ICA1: variants seen among roughly 807,000 people sequenced by gnomAD.
The protein encoded by ICA1 is islet cell autoantigen 1.
In ICA1, 40 loss-of-function variants were observed where a neutral mutation model predicts 71.0. The ratio of observed to expected loss-of-function variants is 0.56; its 90% CI spans 0.44 to 0.73. The LOEUF is 0.73. ICA1 is among the 30% of genes least tolerant of loss of function. The pLI, the probability that ICA1 is intolerant of heterozygous loss-of-function variation, is 0.00. For missense variants in ICA1, 578 were observed against 576.5 expected (o/e 1.00, Z -0.03); for synonymous variants, 207 against 209.5 (o/e 0.99, Z 0.10).
chr7:8,142,494 A>C (rs554828589), intron 9 of ICA1, among the ~76,000 whole-genome samples: 88 of 9,552 alleles, frequency 9.2e-3, no homozygotes, highest in African/African-American at 0.083. Flanking sequence ...AATTAAAACA[A>C]ATCAAGAAAA....
intron 8 of ICA1, 187 bp downstream of exon 8, chr7:8,156,929 T>TAA: frequency 6.6e-7 from 1 of 1,519,712 alleles, no homozygotes; most frequent in Non-Finnish European, 8.8e-7. Context: ...CCTGATGCAG[T>TAA]AAAAAAAAAA....
rs556686799 is a variant in ICA1, at chr7:8,113,729, T to A, written c.*194A>T. On this transcript the variant is annotated 3_prime_UTR_variant, in exon 14 of 14. Transcript: ENST00000402384. This position sits in a 1 kb window ranked among gnomAD's most constrained non-coding sequence, Gnocchi z 4.2. ...CAATCCTGTATTATTTAGATCCACA[T>A]AGAGATACACGAAAACCCTTTATAC... 8.6e-5 allele frequency: 49 copies of A among 567,420 alleles called. No individual in the cohort carries two copies. The South Asian group carries it at 1.0e-3, about 12-fold the overall frequency. The allele number at this position is 567,420 out of a possible 1,614,324, so 35.1% of individuals were successfully genotyped here.
intron 13 of ICA1, among the ~76,000 whole-genome samples, chr7:8,117,051 G>C (rs1785029055): frequency 6.6e-6 from 1 of 152,112 alleles, no homozygotes; most frequent in Admixed American, 6.5e-5. Context: ...TCTCCTGATA[G>C]TGAATTCTCG....
intron 3 of ICA1, among the ~76,000 whole-genome samples, chr7:8,231,916 T>A (rs1399152049): frequency 6.6e-6 from 1 of 152,248 alleles, no homozygotes; most frequent in Non-Finnish European, 1.5e-5. Flanking sequence ...AACCTTAGTG[T>A]ATATATTAAA....
intron 12 of ICA1, among the ~76,000 whole-genome samples, chr7:8,134,942 A>G (rs1792863368): frequency 6.6e-6 from 1 of 152,164 alleles, no homozygotes; most frequent in Non-Finnish European, 1.5e-5. Context: ...ACTCCATTTC[A>G]CCAGTAGATG....
At position 8,135,805 on chromosome 7, in the gene ICA1, C is replaced by G. The variant is rs570354386; in HGVS notation, c.1060+3035G>C. ...TTGTTTTAATTGGCTTAGTCTTGTC[C>G]TGGAGAGGGATCTTTTGGGTAAGGC... On this transcript the variant is annotated intron_variant, in intron 12 of 13. Transcript: ENST00000402384. Among the ~76,000 whole-genome samples the G allele has an allele frequency of 6.6e-3, 1,012 of 152,250 alleles. 20 individuals carry two copies. Among genetic ancestry groups the G allele is most frequent in the African/African-American group, 0.024 (978 of 41,544 alleles).
intron 1 of ICA1, among the ~76,000 whole-genome samples, chr7:8,240,685 G>A (rs1420196639): frequency 6.6e-6 from 1 of 152,096 alleles, no homozygotes; most frequent in Non-Finnish European, 1.5e-5. Context: ...AGACGAATGA[G>A]TAACTCAAAT....
At chr7:8,255,779 C>CTTTTTTTTTTTTTT (rs573673718) in intron 1 of ICA1, among the ~76,000 whole-genome samples, 12 of 132,906 alleles carry the variant, frequency 9.0e-5, no homozygotes, top group African/African-American at 2.4e-4. Flanking sequence ...ACTTCTTTCT[C>CTTTTTTTTTTTTTT]TTTTTTTTTT....
At chr7:8,258,310 C>T (rs745867993) in intron 1 of ICA1, among the ~76,000 whole-genome samples, 1 of 152,166 alleles carries the variant, frequency 6.6e-6, no homozygotes, top group Non-Finnish European at 1.5e-5. Context: ...TTGTTCAATA[C>T]TAAGTCATCC....
intron 12 of ICA1, among the ~76,000 whole-genome samples, chr7:8,134,892 TA>T (rs893236612): frequency 2.4e-3 from 356 of 145,584 alleles, no homozygotes; most frequent in African/African-American, 6.9e-3. Context: ...GAGTAGGCAC[TA>T]AAAAAAAAAA....
intron 6 of ICA1, among the ~76,000 whole-genome samples, chr7:8,182,149 C>G (rs1397531590): frequency 6.6e-6 from 1 of 152,000 alleles, no homozygotes; most frequent in Non-Finnish European, 1.5e-5. Context: ...TTTCACTTGG[C>G]TACTAACTAT....
chr7:8,223,061 G>A lies in ICA1; in HGVS notation c.257-1663C>T, dbSNP rs939133481. Among the ~76,000 whole-genome samples, 5 of 152,092 alleles carry A rather than the reference G, an allele frequency of 3.3e-5. No individual in the cohort carries two copies. The highest frequency in any genetic ancestry group is 2.6e-4 in the Admixed American group (4 of 15,260). ...ATACTTATTGCCTTTTAATACTCACGCCATGGTTCTATGTAGCTTTTTAAA... is the reference window on the plus strand; with the variant it reads ...ATACTTATTGCCTTTTAATACTCACACCATGGTTCTATGTAGCTTTTTAAA... On this transcript the variant is annotated intron_variant, in intron 4 of 13. Coordinates refer to ENST00000402384, the MANE Select transcript of ICA1 (RefSeq NM_001136020.3). The surrounding 1 kb of genome is among the most constrained non-coding windows in gnomAD (Gnocchi z 4.1).
chr7:8,170,161 T>C (rs1807768133), intron 6 of ICA1, among the ~76,000 whole-genome samples: 2 of 151,990 alleles, frequency 1.3e-5, no homozygotes, highest in Non-Finnish European at 2.9e-5. Context: ...CTTGGCTCTT[T>C]TGTGTAGGTC....
Position 8,181,602 on chromosome 7 carries a change from T to C in ICA1, c.580-22950A>G, listed in dbSNP as rs149898270. ...AAGGAAGTCTTCTAATTCATAAATA[T>C]GGTACATTCCTCTCTTTTCTTAAAC... On this transcript the variant is annotated intron_variant, in intron 6 of 13. Coordinates refer to ENST00000402384, the MANE Select transcript of ICA1 (RefSeq NM_001136020.3). Among the ~76,000 whole-genome samples the C allele has an allele frequency of 5.3e-5, 8 of 152,190 alleles. No individual in the cohort carries two copies. In the South Asian group the frequency reaches 1.2e-3, roughly 24 times the overall value.
intron 6 of ICA1, among the ~76,000 whole-genome samples, chr7:8,198,870 G>C (rs1345631027): frequency 7.2e-5 from 11 of 152,150 alleles, no homozygotes; most frequent in Non-Finnish European, 2.9e-5. Context: ...TTAATAACTA[G>C]AGTATATAAG....
At chr7:8,240,987 G>T (rs1174291051) in intron 1 of ICA1, among the ~76,000 whole-genome samples, 1 of 152,176 alleles carries the variant, frequency 6.6e-6, no homozygotes, top group Non-Finnish European at 1.5e-5. Context: ...CTGGAAAACA[G>T]TCTTCAGGAT....
chr7:8,229,070 G>C (rs765963928), intron 3 of ICA1, among the ~76,000 whole-genome samples: 1 of 151,636 alleles, frequency 6.6e-6, no homozygotes, highest in Non-Finnish European at 1.5e-5. Flanking sequence ...TTTTTAATGG[G>C]GGATCTGTCA....
chr7:8,121,816 C>T (rs541828998), intron 13 of ICA1, among the ~76,000 whole-genome samples: 6 of 152,302 alleles, frequency 3.9e-5, no homozygotes, highest in African/African-American at 1.4e-4. Context: ...ACCCCATTTA[C>T]CCTGATGTGA....
intron 6 of ICA1, among the ~76,000 whole-genome samples, chr7:8,161,312 CAT>C (rs1432136364): frequency 6.6e-6 from 1 of 152,062 alleles, no homozygotes; most frequent in Non-Finnish European, 1.5e-5. Flanking sequence ...AAATTAAAAA[CAT>C]AGAACTAAGA....
Sources: gnomAD v4.1 joint callset for allele counts (sites outside exome capture counted in the v4.1 genomes callset) on GRCh38, gnomAD v4.1.1 for gene constraint, Gnocchi (gnomAD v3.1) non-coding constraint, MANE v1.5 for transcripts, NCBI Gene and HGNC (gene_info 2026-07-23, HGNC 2026-07-21) for gene names.